Variants in FAM107B observed in about 807,000 individuals in gnomAD.
FAM107B encodes the protein family with sequence similarity 107 member B, also known as protein FAM107B.
A neutral mutation model predicts 31.5 loss-of-function variants in FAM107B; 21 were observed. That is an observed-to-expected ratio of 0.67 (90% CI 0.47 to 0.96). The LOEUF is 0.96. Ranked by LOEUF, FAM107B falls within the 40% of genes least tolerant of loss-of-function variation. The pLI, the probability that FAM107B is intolerant of heterozygous loss-of-function variation, is 0.00. For missense variants in FAM107B, 452 were observed against 377.1 expected (o/e 1.20, Z -1.64); for synonymous variants, 157 against 141.5 (o/e 1.11, Z -0.78).
chr10:14,681,769 A>T (rs1213590811), intron 1 of FAM107B, among the ~76,000 whole-genome samples: 1 of 152,156 alleles, frequency 6.6e-6, no homozygotes, highest in Non-Finnish European at 1.5e-5. Context: ...GGAGCAAGGG[A>T]TGCTGGCCAC....
intron 1 of FAM107B, among the ~76,000 whole-genome samples, chr10:14,758,333 A>G (rs72770561): frequency 3.3e-5 from 5 of 152,250 alleles, no homozygotes; most frequent in East Asian, 1.9e-4. Flanking sequence ...TTCATTGCCT[A>G]TTTCACGGAA....
At chr10:14,581,218 A>C (rs528048904) in intron 2 of FAM107B, among the ~76,000 whole-genome samples, 2 of 152,330 alleles carry the variant, frequency 1.3e-5, no homozygotes, top group South Asian at 4.1e-4. Context: ...TGTCGCATTT[A>C]TAAAGGGTGG....
chr10:14,566,818 G>A (rs1850707352), intron 2 of FAM107B, among the ~76,000 whole-genome samples: 1 of 152,238 alleles, frequency 6.6e-6, no homozygotes, highest in Admixed American at 6.5e-5. Context: ...CTGAGCACTT[G>A]TAAATGCTCA....
chr10:14,567,163 A>C (rs1453805215), intron 2 of FAM107B, among the ~76,000 whole-genome samples: 1 of 152,202 alleles, frequency 6.6e-6, no homozygotes, highest in African/African-American at 2.4e-5. Context: ...AAATTAAATA[A>C]ATAAATAAAT....
At chr10:14,610,952 C>T (rs1852709393) in intron 2 of FAM107B, among the ~76,000 whole-genome samples, 1 of 152,142 alleles carries the variant, frequency 6.6e-6, no homozygotes, top group South Asian at 2.1e-4. Context: ...AGAACACTTG[C>T]TTTTCATTGT....
chr10:14,563,964 C>CT (rs56773682), intron 2 of FAM107B, among the ~76,000 whole-genome samples: 40,772 of 151,788 alleles, frequency 0.27, 6,015 homozygotes, highest in Middle Eastern at 0.34. Context: ...TCATCTCATA[C>CT]TTTTTTTTGT....
At chr10:14,663,681 G>T (rs912712151) in intron 2 of FAM107B, among the ~76,000 whole-genome samples, 1 of 152,052 alleles carries the variant, frequency 6.6e-6, no homozygotes, top group Non-Finnish European at 1.5e-5. Context: ...AGGCACTAAG[G>T]TTCCATCTTT....
chr10:14,773,487 C>A (rs1588772525), intron 1 of FAM107B, among the ~76,000 whole-genome samples: 1 of 152,080 alleles, frequency 6.6e-6, no homozygotes, highest in East Asian at 1.9e-4. Flanking sequence ...TTGGAGTGTA[C>A]CTTTTAGAAA....
chr10:14,694,506 C>A (rs1855219456), intron 1 of FAM107B, among the ~76,000 whole-genome samples: 1 of 152,176 alleles, frequency 6.6e-6, no homozygotes, highest in Admixed American at 6.5e-5. Flanking sequence ...GCCTCAGCCT[C>A]CCGAGTAGCT....
chr10:14,717,177 C>T (rs1009003209), intron 1 of FAM107B, among the ~76,000 whole-genome samples: 33 of 152,120 alleles, frequency 2.2e-4, no homozygotes, highest in African/African-American at 7.5e-4. Flanking sequence ...TATTGAGATG[C>T]CTTTGGGTAA....
At chr10:14,604,332 G>C in intron 2 of FAM107B, 1 of 855,506 alleles carries the variant, frequency 1.2e-6, no homozygotes, top group Non-Finnish European at 1.4e-6. Flanking sequence ...GCGGCGGCCC[G>C]AGGCGGCGCG....
At chr10:14,773,183 G>T (rs1053383846) in intron 1 of FAM107B, among the ~76,000 whole-genome samples, 3 of 152,202 alleles carry the variant, frequency 2.0e-5, no homozygotes, top group Non-Finnish European at 4.4e-5. Context: ...TCAGAATGCA[G>T]ACGACAGACC....
At chr10:14,632,798 T>C (rs1297409678) in intron 2 of FAM107B, among the ~76,000 whole-genome samples, 2 of 151,874 alleles carry the variant, frequency 1.3e-5, no homozygotes, top group Non-Finnish European at 2.9e-5. Context: ...GGGTCCTGAC[T>C]AGCAGACTAC....
At chr10:14,751,508 C>T (rs11259306) in intron 1 of FAM107B, among the ~76,000 whole-genome samples, 30,016 of 150,514 alleles carry the variant, frequency 0.2, 4,044 homozygotes, top group African/African-American at 0.38. Context: ...GGATTTTTTT[C>T]TTTTTTTTCT....
chr10:14,760,679 T>A (rs1215853596), intron 1 of FAM107B, among the ~76,000 whole-genome samples: 1 of 149,668 alleles, frequency 6.7e-6, no homozygotes. Flanking sequence ...CTAAAAGATG[T>A]TTTTAGTTTA....
At chr10:14,650,173 T>C (rs562481378) in intron 2 of FAM107B, among the ~76,000 whole-genome samples, 28 of 152,246 alleles carry the variant, frequency 1.8e-4, no homozygotes, top group Admixed American at 1.6e-3. Flanking sequence ...ACCTGCATTA[T>C]TGTTTTGGGT....
intron 2 of FAM107B, among the ~76,000 whole-genome samples, chr10:14,584,833 G>A (rs1392394722): frequency 1.3e-5 from 2 of 152,122 alleles, no homozygotes; most frequent in African/African-American, 4.8e-5. Flanking sequence ...CCTCTGCTTG[G>A]TCCCCTCTTC....
chr10:14,593,170 T>C (rs957035178), intron 2 of FAM107B, among the ~76,000 whole-genome samples: 9 of 152,178 alleles, frequency 5.9e-5, no homozygotes, highest in African/African-American at 1.9e-4. Flanking sequence ...TTAATTTTTA[T>C]TCTTAAAACT....
chr10:14,754,461 C>G (rs1317343744), intron 1 of FAM107B, among the ~76,000 whole-genome samples: 2 of 152,138 alleles, frequency 1.3e-5, no homozygotes, highest in Non-Finnish European at 2.9e-5. Flanking sequence ...GAAGAAAGTC[C>G]ATGAGTTTTT....
Sources: allele counts gnomAD v4.1 joint callset (sites outside exome capture counted in the v4.1 genomes callset), GRCh38; gene constraint gnomAD v4.1.1; transcripts MANE v1.5; gene names NCBI Gene and HGNC (gene_info 2026-07-23, HGNC 2026-07-21).